FGF13: variants seen among roughly 807,000 people sequenced by gnomAD.
FGF13 encodes the protein fibroblast growth factor 13, also known as fibroblast growth factor homologous factor 2.
A neutral mutation model predicts 19.5 loss-of-function variants in FGF13; 2 were observed. The observed-to-expected ratio is 0.10, with a 90% CI of 0.04 to 0.32. The LOEUF (loss-of-function observed/expected upper bound fraction) is 0.32. Ranked by LOEUF, FGF13 falls within the 10% of genes least tolerant of loss-of-function variation. The probability of loss-of-function intolerance (pLI) is 1.00; values close to 1 mark genes in which losing one functional copy is unlikely to be tolerated. For missense variants in FGF13, 113 were observed against 192.7 expected (o/e 0.59, Z 2.45); for synonymous variants, 72 against 76.9 (o/e 0.94, Z 0.33).
At chrX:139,015,699 G>GA (rs1356616768) in intron 1 of FGF13, among the ~76,000 whole-genome samples, 13 of 110,697 alleles carry the variant, frequency 1.2e-4, no homozygotes, top group South Asian at 7.5e-4. Flanking sequence ...CACAGAAATA[G>GA]AAAAAAAATC....
chrX:138,677,883 C>T (rs1331237902), intron 3 of FGF13, among the ~76,000 whole-genome samples: 3 of 111,299 alleles, frequency 2.7e-5, no homozygotes, highest in Admixed American at 9.6e-5. Context: ...TGCACACGTA[C>T]GTTTATTGCG....
At chrX:139,017,850 TCAG>T (rs2092160827) in intron 1 of FGF13, among the ~76,000 whole-genome samples, 1 of 111,755 alleles carries the variant, frequency 8.9e-6, no homozygotes, top group South Asian at 3.8e-4. Context: ...CTGGAGTAAT[TCAG>T]CATGGGAGAG....
intron 1 of FGF13, among the ~76,000 whole-genome samples, chrX:139,108,908 C>T (rs1446531805): frequency 7.7e-5 from 8 of 104,137 alleles, no homozygotes; most frequent in African/African-American, 2.8e-4. Flanking sequence ...CTCATTGTTC[C>T]GCTCCCACTT....
intron 1 of FGF13, among the ~76,000 whole-genome samples, chrX:139,189,268 C>T (rs1340126084): frequency 9.0e-6 from 1 of 111,057 alleles, no homozygotes; most frequent in Non-Finnish European, 1.9e-5. Flanking sequence ...TAATCTTAGA[C>T]TAAAGACTGA....
chrX:138,776,785 G>T (rs772258288), intron 3 of FGF13, among the ~76,000 whole-genome samples: 2 of 111,257 alleles, frequency 1.8e-5, no homozygotes, highest in South Asian at 7.7e-4. Flanking sequence ...TTGGGACCTC[G>T]CTCTGTTGAC....
chrX:138,857,394 G>T, downstream of FGF13: 1 of 701,454 alleles, frequency 1.4e-6, no homozygotes, highest in Non-Finnish European at 2.1e-6. Context: ...GGGCCTCCTA[G>T]CTATGGCAGG....
exon 3 of FGF13, chrX:138,857,669 G>A (rs2091266346): frequency 2.5e-6 from 3 of 1,191,333 alleles, no homozygotes; most frequent in Non-Finnish European, 2.3e-6. Flanking sequence ...CAGGGGGGGC[G>A]TCATCCAGAA....
intron 1 of FGF13, among the ~76,000 whole-genome samples, chrX:138,901,372 G>A (rs1053324827): frequency 2.7e-5 from 3 of 111,543 alleles, no homozygotes; most frequent in Non-Finnish European, 5.6e-5. Flanking sequence ...CAGACCCTAA[G>A]CCCATAGGTC....
intron 1 of FGF13, among the ~76,000 whole-genome samples, chrX:138,734,536 G>A (rs2090258191): frequency 9.0e-6 from 1 of 111,713 alleles, no homozygotes; most frequent in African/African-American, 3.2e-5. Flanking sequence ...GATTGGTTTA[G>A]CCAGTAAGTA....
At chrX:138,696,182 G>A (rs1385862446) in intron 3 of FGF13, among the ~76,000 whole-genome samples, 1 of 112,108 alleles carries the variant, frequency 8.9e-6, no homozygotes, top group Non-Finnish European at 1.9e-5. Context: ...ACTGATTCAT[G>A]CTACAACATG....
At chrX:138,879,377 C>A (rs1457521147) in intron 1 of FGF13, among the ~76,000 whole-genome samples, 1 of 111,558 alleles carries the variant, frequency 9.0e-6, no homozygotes, top group Non-Finnish European at 1.9e-5. Context: ...TTGATATAAT[C>A]CAATTTTACT....
intron 3 of FGF13, among the ~76,000 whole-genome samples, chrX:138,851,317 T>G (rs765613311): frequency 1.8e-5 from 2 of 112,034 alleles, no homozygotes; most frequent in East Asian, 5.6e-4. Context: ...ATTGCCACAC[T>G]GTCTTCCACA....
intron 1 of FGF13, among the ~76,000 whole-genome samples, chrX:138,948,792 C>T (rs1256261166): frequency 9.0e-6 from 1 of 111,685 alleles, no homozygotes; most frequent in Non-Finnish European, 1.9e-5. Flanking sequence ...TTGTCTCTAC[C>T]CTTGTTAGAT....
chrX:138,989,876 TTG>T (rs1569437189), intron 1 of FGF13, among the ~76,000 whole-genome samples: 1 of 111,665 alleles, frequency 9.0e-6, no homozygotes, highest in African/African-American at 3.3e-5. Context: ...GTTCACACTA[TTG>T]TGTCACATTA....
At chrX:139,197,222 G>A (rs2084378930) in intron 1 of FGF13, among the ~76,000 whole-genome samples, 1 of 112,369 alleles carries the variant, frequency 8.9e-6, no homozygotes, top group African/African-American at 3.2e-5. Flanking sequence ...CAAACCACTA[G>A]TGGTGTGACT....
At chrX:139,073,032 G>A (rs995702364) in intron 1 of FGF13, among the ~76,000 whole-genome samples, 5 of 109,872 alleles carry the variant, frequency 4.6e-5, no homozygotes, top group Non-Finnish European at 7.6e-5. Context: ...ACCTGTCATC[G>A]TATACTTTCT....
intron 1 of FGF13, among the ~76,000 whole-genome samples, chrX:139,019,922 G>T (rs1425401666): frequency 2.8e-5 from 3 of 109,045 alleles, no homozygotes; most frequent in Admixed American, 9.8e-5. Context: ...GACCTCAAAG[G>T]TGTGAAAAAA....
chrX:139,110,251 T>A (rs759194348), intron 1 of FGF13, among the ~76,000 whole-genome samples: 1 of 110,722 alleles, frequency 9.0e-6, no homozygotes, highest in East Asian at 2.8e-4. Context: ...TGTATATATA[T>A]AAAACATAAA....
chrX:139,102,914 T>A (rs370716846), intron 1 of FGF13, among the ~76,000 whole-genome samples: 2 of 112,514 alleles, frequency 1.8e-5, no homozygotes, highest in East Asian at 2.8e-4. Flanking sequence ...AGAGTCTAGA[T>A]AAGACAATGA....
Sources: allele counts gnomAD v4.1 joint callset (sites outside exome capture counted in the v4.1 genomes callset), GRCh38; gene constraint gnomAD v4.1.1; transcripts MANE v1.5; gene names NCBI Gene and HGNC (gene_info 2026-07-23, HGNC 2026-07-21).